Variants in PLG observed in about 807,000 individuals in gnomAD.
The protein encoded by PLG is plasmin.
In PLG, 41 loss-of-function variants were observed where a neutral mutation model predicts 104.4. The observed-to-expected ratio is 0.39, with a 90% CI of 0.31 to 0.51. PLG has a LOEUF of 0.51. Ranked by LOEUF, PLG falls within the 20% of genes least tolerant of loss-of-function variation. PLG has a pLI of 0.76. For missense variants in PLG, 891 were observed against 1,003.6 expected, an observed-to-expected ratio of 0.89 and a Z score of 1.52; for synonymous variants, 337 against 357.1, an observed-to-expected ratio of 0.94 and a Z score of 0.63.
chr6:160,716,093 G>C (rs1266493387), intron 6 of PLG, among the ~76,000 whole-genome samples: 2 of 152,208 alleles, frequency 1.3e-5, no homozygotes, highest in African/African-American at 4.8e-5. Context: ...AGACCAGAAG[G>C]ACCATTCCTT....
In PLG at chr6:160,722,550, A is replaced by G. The variant is rs1407162306; in HGVS notation, c.1239A>G (p.Pro413=). Residue 413 remains proline, a synonymous_variant, in exon 10 of 19, where the codon CCA becomes CCG. Coordinates refer to ENST00000308192, the MANE Select transcript of PLG (RefSeq NM_000301.5). ...CACCACACCGGCACCAGAAGACCCC[A>G]GAAAACTACCCAAATGCGTATGTCT... The part of the protein sequence containing the change: ...SMTPHRHQKT[P]ENYPNAGLTM... The G allele has an allele frequency of 6.2e-7, 1 of 1,613,974 alleles. No homozygotes were observed. The highest frequency in any genetic ancestry group is 8.5e-7 in the Non-Finnish European group (1 of 1,179,860).
In PLG at chr6:160,752,637, A is replaced by G. The variant is rs1778421991; in HGVS notation, c.2272-263A>G. On this transcript the variant is annotated intron_variant, in intron 18 of 18. Coordinates refer to ENST00000308192, the MANE Select transcript of PLG (RefSeq NM_000301.5). This position sits in a 1 kb window ranked among gnomAD's most constrained non-coding sequence, Gnocchi z 4.7. ...CTGATGCCCAGGCTAGCCCAGTCTA[A>G]AGGAAACACCAACATAGGAAGGGAT... Among the ~76,000 whole-genome samples the G allele has an allele frequency of 6.6e-6, 1 of 152,176 alleles. No individual in the cohort carries two copies. The highest frequency in any genetic ancestry group is 1.9e-4 in the East Asian group (1 of 5,192).
Position 160,725,331 on chromosome 6 carries a change from T to C in PLG, c.1256+2764T>C, listed in dbSNP as rs1019790308. 6.6e-6 allele frequency among the ~76,000 whole-genome samples: 1 copy of C among 152,104 alleles called. No individual in the cohort carries two copies. Among genetic ancestry groups the C allele is most frequent in the East Asian group, 1.9e-4 (1 of 5,190 alleles). On this transcript the variant is annotated intron_variant, in intron 10 of 18. Transcript: ENST00000308192. This position sits in a 1 kb window ranked among gnomAD's most constrained non-coding sequence, Gnocchi z 6.3. ...AAATTTCTAAATAATAATAATCACA[T>C]AAATAATGTAGGAAATAAATGGTAG... is the stretch of plus-strand genomic sequence containing the variant.
At chr6:160,706,699 T>A in intron 2 of PLG, 157 bp downstream of exon 2, 1 of 733,946 alleles carries the variant, frequency 1.4e-6, no homozygotes, top group Admixed American at 2.6e-5. Context: ...TACTAACAGC[T>A]TCTTGTTAAG....
In PLG at chr6:160,735,965, C is replaced by T. The variant is rs767150181; in HGVS notation, c.1682-922C>T. Among the ~76,000 whole-genome samples, 5 of 152,146 alleles carry T rather than the reference C, an allele frequency of 3.3e-5. No homozygotes were observed. Among genetic ancestry groups the T allele is most frequent in the African/African-American group, 1.2e-4 (5 of 41,418 alleles). Reference sequence around the variant, plus strand: ...CAAATGTAAAGTTATTTGGAAAACCCAGGTTCCAGATTCACTAGAGCATAG... The same window carrying T: ...CAAATGTAAAGTTATTTGGAAAACCTAGGTTCCAGATTCACTAGAGCATAG... On this transcript the variant is annotated intron_variant, in intron 13 of 18. Coordinates refer to ENST00000308192, the MANE Select transcript of PLG (RefSeq NM_000301.5). The surrounding 1 kb of genome is among the most constrained non-coding windows in gnomAD (Gnocchi z 5.4).
Position 160,748,370 on chromosome 6 carries a change from A to AAGAAAGAGAGAGAGAGAGAG in PLG, c.2126-3738_2126-3737insGAGAGAGAGAGAGAGAAAGA, listed in dbSNP as rs1554252953. ...AGAAAGAGAAAGAAAGAAAGAAAGA[A>AAGAAAGAGAGAGAGAGAGAG]AGAAAGAAAGAAAGAAAGAAAGAAA... is the stretch of plus-strand genomic sequence containing the variant. On this transcript the variant is annotated intron_variant, in intron 17 of 18. Transcript: ENST00000308192. Among the ~76,000 whole-genome samples the AAGAAAGAGAGAGAGAGAGAG allele has an allele frequency of 4.6e-4, 19 of 41,442 alleles. 3 individuals are homozygous for AAGAAAGAGAGAGAGAGAGAG. Among genetic ancestry groups the AAGAAAGAGAGAGAGAGAGAG allele is most frequent in the East Asian group, 0.016 (2 of 122 alleles). The allele number at this position is 41,442 out of a possible 152,430, so 27.2% of individuals were successfully genotyped here.
chr6:160,702,294 C>A lies in PLG; in HGVS notation c.-11C>A. 1 of 1,609,902 alleles carries A rather than the reference C, an allele frequency of 6.2e-7. No individual in the cohort carries two copies. Among genetic ancestry groups the A allele is most frequent in the Non-Finnish European group, 8.5e-7 (1 of 1,179,734 alleles). On this transcript the variant is annotated 5_prime_UTR_variant, in exon 1 of 19. Transcript: ENST00000308192. Reference sequence around the variant, plus strand: ...GGACCCACTTTCTGGGCACTGCTGGCCAGTCCCAAAATGGAACATAAGGAA... The same window carrying A: ...GGACCCACTTTCTGGGCACTGCTGGACAGTCCCAAAATGGAACATAAGGAA...
In PLG at chr6:160,732,119, G is replaced by A. The variant is rs992645520; in HGVS notation, c.1587+226G>A. 1.3e-5 allele frequency among the ~76,000 whole-genome samples: 2 copies of A among 152,122 alleles called. No homozygotes were observed. Among genetic ancestry groups the A allele is most frequent in the African/African-American group, 4.8e-5 (2 of 41,398 alleles). ...GCCAGGAAACCTCCACACATGTGAG[G>A]GTTCTCAGGCCTCTTCCCTTTAGTG... On this transcript the variant is annotated intron_variant, in intron 12 of 18. Coordinates refer to ENST00000308192, the MANE Select transcript of PLG (RefSeq NM_000301.5). This position sits in a 1 kb window ranked among gnomAD's most constrained non-coding sequence, Gnocchi z 4.5.
chr6:160,717,013 A>G (rs1428757536), intron 7 of PLG, among the ~76,000 whole-genome samples: 1 of 152,206 alleles, frequency 6.6e-6, no homozygotes, highest in Non-Finnish European at 1.5e-5. Context: ...TCAGGAGTTC[A>G]CTGAAATGTA....
intron 3 of PLG, chr6:160,708,646 A>T (rs769209139): frequency 2.0e-5 from 3 of 152,216 alleles, no homozygotes; most frequent in Non-Finnish European, 2.9e-5. Context: ...AACATTCTGC[A>T]TCCCAGGTGT....
intron 3 of PLG, 141 bp downstream of exon 3, chr6:160,707,947 G>A (rs896323396): frequency 5.4e-6 from 4 of 742,954 alleles, no homozygotes; most frequent in South Asian, 3.1e-5. Context: ...GTTAGGACAG[G>A]ATTTGATTAC....
At chr6:160,711,404 A>T in intron 4 of PLG, 1 of 712,142 alleles carries the variant, frequency 1.4e-6, no homozygotes, top group South Asian at 1.9e-5. Flanking sequence ...GTTATACTGT[A>T]TTGTTTTTAT....
At position 160,731,801 on chromosome 6, in the gene PLG, G is replaced by T; in HGVS notation, c.1495G>T (p.Gly499Trp). The T allele has an allele frequency of 6.2e-7, 1 of 1,613,590 alleles. No individual in the cohort carries two copies. The highest frequency in any genetic ancestry group is 8.5e-7 in the Non-Finnish European group (1 of 1,179,542). ...AGGCAAGAGGGCGACCACTGTTACTGGGACGCCATGCCAGGACTGGGCTGC... is the reference window on the plus strand; with the variant it reads ...AGGCAAGAGGGCGACCACTGTTACTTGGACGCCATGCCAGGACTGGGCTGC... ...YRGKRATTVT[G>W]TPCQDWAAQE... The change falls in exon 12 of 19, where the codon GGG (glycine) becomes TGG (tryptophan). Residue 499 changes from glycine (G) to tryptophan (W), a missense_variant. Transcript: ENST00000308192. This position sits in a 1 kb window ranked among gnomAD's most constrained non-coding sequence, Gnocchi z 5.1.
rs370504830 is a variant in PLG, at chr6:160,706,951, T to TAAA, written c.185+421_185+423dup. Among the ~76,000 whole-genome samples the TAAA allele has an allele frequency of 6.5e-3, 919 of 142,372 alleles. 12 individuals are homozygous for TAAA. The highest frequency in any genetic ancestry group is 9.5e-3 in the African/African-American group (369 of 38,864). 93.4% of individuals were successfully genotyped at this position (142,372 alleles called of 152,430 possible). A position where few individuals can be genotyped will look rare whatever the true frequency, so the allele number is the denominator to read the frequency against. On this transcript the variant is annotated intron_variant, in intron 2 of 18. Coordinates refer to ENST00000308192, the MANE Select transcript of PLG (RefSeq NM_000301.5). ...TAGTCAAAGAAACTGGATATAATGTTAAAAAAAAAAAAAAGACAGCCCAAG... is the reference window on the plus strand; with the variant it reads ...TAGTCAAAGAAACTGGATATAATGTTAAAAAAAAAAAAAAAAAGACAGCCCAAG...
At position 160,752,274 on chromosome 6, in the gene PLG, A is replaced by T; in HGVS notation, c.2271+14A>T. The T allele has an allele frequency of 1.2e-6, 2 of 1,608,254 alleles. No individual in the cohort carries two copies. Among genetic ancestry groups the T allele is most frequent in the Non-Finnish European group, 1.7e-6 (2 of 1,174,818 alleles). On this transcript the variant is annotated intron_variant, in intron 18 of 18. Coordinates refer to ENST00000308192, the MANE Select transcript of PLG (RefSeq NM_000301.5). This position sits in a 1 kb window ranked among gnomAD's most constrained non-coding sequence, Gnocchi z 4.7. ...GACAGTTGCCAGGTAAGCAAAGATC[A>T]AGAGACCAAAGTTAGTCTTGTGCTC...
At chr6:160,729,099 T>C (rs1777959825) in intron 10 of PLG, among the ~76,000 whole-genome samples, 1 of 152,060 alleles carries the variant, frequency 6.6e-6, no homozygotes, top group African/African-American at 2.4e-5. Flanking sequence ...CAGAATTGAA[T>C]AGGAAATTTC....
chr6:160,748,054 C>A (rs1234935786), intron 17 of PLG, among the ~76,000 whole-genome samples: 2 of 152,026 alleles, frequency 1.3e-5, no homozygotes, highest in Non-Finnish European at 2.9e-5. Flanking sequence ...CGCCTGTAAT[C>A]CCAGCACTTT....
intron 5 of PLG, chr6:160,713,425 A>T (rs1250960736): frequency 8.3e-6 from 3 of 359,622 alleles, no homozygotes; most frequent in Non-Finnish European, 1.6e-5. Context: ...ATGTGCCACC[A>T]TGCCTGGCTA....
chr6:160,710,037 G>A (rs1280754983), intron 3 of PLG, among the ~76,000 whole-genome samples: 1 of 152,190 alleles, frequency 6.6e-6, no homozygotes, highest in African/African-American at 2.4e-5. Context: ...CATAAACTAT[G>A]CTCCAGTGCA....
Sources: allele counts gnomAD v4.1 joint callset (sites outside exome capture counted in the v4.1 genomes callset), GRCh38; gene constraint gnomAD v4.1.1; non-coding constraint Gnocchi (gnomAD v3.1); transcripts MANE v1.5; gene names NCBI Gene and HGNC (gene_info 2026-07-23, HGNC 2026-07-21).